Variants in HS6ST3 observed in about 807,000 individuals in gnomAD.
The protein encoded by HS6ST3 is heparan-sulfate 6-O-sulfotransferase 3.
Under a neutral mutation model 36.7 loss-of-function variants are expected in HS6ST3, and 12 were observed. The observed-to-expected ratio is 0.33, with a 90% CI of 0.21 to 0.53. The LOEUF (loss-of-function observed/expected upper bound fraction) is 0.53, where lower values mean the gene tolerates loss of function less well. HS6ST3 is among the 20% of genes least tolerant of loss of function. HS6ST3 has a pLI of 0.95. For missense variants in HS6ST3, 584 were observed against 640.9 expected, an observed-to-expected ratio of 0.91 and a Z score of 0.96; for synonymous variants, 240 against 257.5, an observed-to-expected ratio of 0.93 and a Z score of 0.65.
intron 1 of HS6ST3, among the ~76,000 whole-genome samples, chr13:96,672,403 C>T (rs1439088185): frequency 6.6e-6 from 1 of 152,142 alleles, no homozygotes. Flanking sequence ...TTTCAAACTC[C>T]TGTCAGTATG....
intron 1 of HS6ST3, among the ~76,000 whole-genome samples, chr13:96,552,403 G>T (rs2056222757): frequency 6.6e-6 from 1 of 152,158 alleles, no homozygotes; most frequent in South Asian, 2.1e-4. Flanking sequence ...CGCTGTTCTG[G>T]GTGTTTCTGT....
chr13:96,190,919 A>G (rs756292870), intron 1 of HS6ST3, among the ~76,000 whole-genome samples: 9 of 147,128 alleles, frequency 6.1e-5, no homozygotes, highest in Non-Finnish European at 1.4e-4. Flanking sequence ...GCTGAGTGAC[A>G]CAAGGCTAGA....
At chr13:96,799,692 TAGTG>T (rs780777210) in intron 1 of HS6ST3, among the ~76,000 whole-genome samples, 1 of 149,814 alleles carries the variant, frequency 6.7e-6, no homozygotes, top group Non-Finnish European at 1.5e-5. Context: ...GATGATGAGT[TAGTG>T]GGTGCAGCGC....
At chr13:96,799,330 G>A (rs1353556957) in intron 1 of HS6ST3, among the ~76,000 whole-genome samples, 1 of 151,980 alleles carries the variant, frequency 6.6e-6, no homozygotes, top group Non-Finnish European at 1.5e-5. Flanking sequence ...GTATCTCATT[G>A]TGGTTTTGAT....
At chr13:96,226,773 C>T (rs1002409541) in intron 1 of HS6ST3, among the ~76,000 whole-genome samples, 3 of 152,126 alleles carry the variant, frequency 2.0e-5, no homozygotes, top group Admixed American at 6.5e-5. Context: ...TATGAATACA[C>T]ATTTATGGCA....
intron 1 of HS6ST3, among the ~76,000 whole-genome samples, chr13:96,588,590 C>T (rs1334317415): frequency 6.6e-6 from 1 of 152,138 alleles, no homozygotes; most frequent in African/African-American, 2.4e-5. Context: ...TTCATTTGAT[C>T]ATGGTGAATG....
At position 96,620,253 on chromosome 13, in the gene HS6ST3, G is replaced by A. The variant is rs188377563; in HGVS notation, c.708-212237G>A. On this transcript the variant is annotated intron_variant, in intron 1 of 1. Coordinates refer to ENST00000376705, the MANE Select transcript of HS6ST3 (RefSeq NM_153456.4). ...CTGCACCCCTCCCTAACACTTTGAT[G>A]GTTTTCTATTAAGTATGGTTTAGTC... 2.6e-5 allele frequency among the ~76,000 whole-genome samples: 4 copies of A among 152,222 alleles called. No homozygotes were observed. In the South Asian group the frequency reaches 8.3e-4, roughly 32 times the overall value.
chr13:96,276,846 C>G (rs992363552), intron 1 of HS6ST3, among the ~76,000 whole-genome samples: 18 of 152,272 alleles, frequency 1.2e-4, no homozygotes, highest in African/African-American at 4.1e-4. Flanking sequence ...GCTCAGGAAC[C>G]TGCATTTTGA....
intron 1 of HS6ST3, among the ~76,000 whole-genome samples, chr13:96,828,842 G>T (rs1392360971): frequency 6.6e-6 from 1 of 152,138 alleles, no homozygotes; most frequent in Non-Finnish European, 1.5e-5. Flanking sequence ...GAAAATTTCT[G>T]CCCCAAGATC....
chr13:96,559,336 G>A (rs1309770889), intron 1 of HS6ST3, among the ~76,000 whole-genome samples: 2 of 151,978 alleles, frequency 1.3e-5, no homozygotes, highest in Admixed American at 6.6e-5. Context: ...CCAGGCTGGT[G>A]TTGAACTCCT....
chr13:96,355,460 C>A (rs1180571240), intron 1 of HS6ST3, among the ~76,000 whole-genome samples: 1 of 151,804 alleles, frequency 6.6e-6, no homozygotes, highest in African/African-American at 2.4e-5. Flanking sequence ...TGGTTCCTGA[C>A]TGCCACCATA....
chr13:96,142,355 T>A (rs1200182381), intron 1 of HS6ST3, among the ~76,000 whole-genome samples: 1 of 152,228 alleles, frequency 6.6e-6, no homozygotes, highest in African/African-American at 2.4e-5. Flanking sequence ...ATTTTTTGGA[T>A]AAGTCATTCT....
At chr13:96,783,019 G>T (rs1207332805) in intron 1 of HS6ST3, among the ~76,000 whole-genome samples, 1 of 152,118 alleles carries the variant, frequency 6.6e-6, no homozygotes, top group Non-Finnish European at 1.5e-5. Context: ...TCACAAATAA[G>T]TTGAGTAAAT....
intron 1 of HS6ST3, among the ~76,000 whole-genome samples, chr13:96,557,090 C>T (rs948205655): frequency 6.6e-6 from 1 of 152,188 alleles, no homozygotes; most frequent in Non-Finnish European, 1.5e-5. Context: ...TAAAAACAGC[C>T]AGTCCAGCTG....
intron 1 of HS6ST3, among the ~76,000 whole-genome samples, chr13:96,204,090 G>T (rs547098012): frequency 6.6e-6 from 1 of 152,162 alleles, no homozygotes; most frequent in Non-Finnish European, 1.5e-5. Context: ...ACATATTTAA[G>T]CTTATATGTA....
chr13:96,115,383 C>T (rs1291498801), intron 1 of HS6ST3, among the ~76,000 whole-genome samples: 1 of 152,078 alleles, frequency 6.6e-6, no homozygotes, highest in African/African-American at 2.4e-5. Context: ...GACCCATTCT[C>T]TAAGTTTCCT....
chr13:96,636,661 T>C (rs1169965242), intron 1 of HS6ST3, among the ~76,000 whole-genome samples: 1 of 152,162 alleles, frequency 6.6e-6, no homozygotes, highest in East Asian at 1.9e-4. Context: ...TGACATATTT[T>C]TCCAGGAGTC....
chr13:96,096,747 A>G (rs1276221640), intron 1 of HS6ST3, among the ~76,000 whole-genome samples: 2 of 152,174 alleles, frequency 1.3e-5, no homozygotes, highest in Admixed American at 6.5e-5. Context: ...ACTTTGAAAC[A>G]TTGTCTGGTT....
chr13:96,420,186 C>T (rs1243523164), intron 1 of HS6ST3, among the ~76,000 whole-genome samples: 1 of 152,164 alleles, frequency 6.6e-6, no homozygotes, highest in Non-Finnish European at 1.5e-5. Context: ...TGTGTTCTAA[C>T]CAGCTTCATT....
Sources: allele counts gnomAD v4.1 joint callset (sites outside exome capture counted in the v4.1 genomes callset), GRCh38; gene constraint gnomAD v4.1.1; transcripts MANE v1.5; gene names NCBI Gene and HGNC (gene_info 2026-07-23, HGNC 2026-07-21).